Variants in VPS13D observed in about 807,000 individuals in gnomAD.
VPS13D encodes vacuolar protein sorting 13 homolog D, also known as intermembrane lipid transfer protein VPS13D.
A neutral mutation model predicts 461.9 loss-of-function variants in VPS13D; 187 were observed. That is an observed-to-expected ratio of 0.40 (90% confidence interval 0.36 to 0.46). The LOEUF is 0.46. VPS13D is among the 20% of genes least tolerant of loss of function. The pLI is 0.60. For synonymous variants in VPS13D, 1,951 were observed against 1,986.3 expected (o/e 0.98, Z 0.47); for missense variants, 4,711 against 5,364.9 (o/e 0.88, Z 3.81).
At chr1:12,253,623 G>A in intron 6 of VPS13D, 99 bp from the exon 7 acceptor site, 1 of 954,946 alleles carries the variant, frequency 1.0e-6, no homozygotes, top group Non-Finnish European at 1.7e-6. Context: ...ACCTTGCAAA[G>A]TACCTGACAC....
chr1:12,336,072 A>T (rs1019310035), intron 39 of VPS13D: 1 of 438,420 alleles, frequency 2.3e-6, no homozygotes, highest in Non-Finnish European at 4.1e-6. Context: ...CGTAATTCCT[A>T]AATCCTGGTA....
intron 30 of VPS13D, among the ~76,000 whole-genome samples, chr1:12,317,038 G>A (rs890850214): frequency 2.0e-5 from 3 of 148,966 alleles, no homozygotes; most frequent in Admixed American, 1.3e-4. Flanking sequence ...TTACTTAGGG[G>A]ACATTTATCC....
At chr1:12,378,811 A>G (rs1430409783) in intron 56 of VPS13D, among the ~76,000 whole-genome samples, 3 of 152,252 alleles carry the variant, frequency 2.0e-5, no homozygotes, top group Admixed American at 6.5e-5. Context: ...AACTTCAAAC[A>G]ATAAAATGGG....
At chr1:12,423,430 C>T (rs1018346024) in intron 65 of VPS13D, among the ~76,000 whole-genome samples, 1 of 152,188 alleles carries the variant, frequency 6.6e-6, no homozygotes, top group Non-Finnish European at 1.5e-5. Context: ...ACAAAAAGCC[C>T]TACCTAGTCC....
intron 7 of VPS13D, 48 bp from the exon 8 acceptor site, chr1:12,256,285 C>A (rs1253803159): frequency 6.3e-7 from 1 of 1,584,384 alleles, no homozygotes; most frequent in South Asian, 1.1e-5. Flanking sequence ...GAGTGACTAC[C>A]AGAAGGAAAG....
chr1:12,471,843 G>T (rs1028923796), intron 67 of VPS13D, among the ~76,000 whole-genome samples: 1 of 151,670 alleles, frequency 6.6e-6, no homozygotes, highest in African/African-American at 2.4e-5. Flanking sequence ...ATGCACATTC[G>T]TAATTTATTC....
At position 12,400,962 on chromosome 1, in the gene VPS13D, G is replaced by GCACACACACACA. The variant is rs55998605; in HGVS notation, c.11785-615_11785-604dup. 1.1e-3 allele frequency among the ~76,000 whole-genome samples: 118 copies of GCACACACACACA among 106,288 alleles called. 1 individual carries two copies. Among genetic ancestry groups the GCACACACACACA allele is most frequent in the South Asian group, 5.2e-3 (14 of 2,718 alleles). 69.7% of individuals were successfully genotyped at this position (106,288 alleles called of 152,430 possible). On this transcript the variant is annotated intron_variant, in intron 61 of 69. Coordinates refer to ENST00000620676, the MANE Select transcript of VPS13D (RefSeq NM_015378.4). ...GAGTGAGATGTGCACCTGCGCGCGC[G>GCACACACACACA]CACACACACACACACACACACACAC...
intron 22 of VPS13D, among the ~76,000 whole-genome samples, chr1:12,289,386 A>G (rs1642061311): frequency 6.6e-6 from 1 of 151,836 alleles, no homozygotes; most frequent in Admixed American, 6.6e-5. Flanking sequence ...CCCAGCCTTT[A>G]GTAGAGATTT....
chr1:12,340,364 T>A (rs1324959901), intron 40 of VPS13D, among the ~76,000 whole-genome samples: 1 of 152,178 alleles, frequency 6.6e-6, no homozygotes, highest in Non-Finnish European at 1.5e-5. Flanking sequence ...TATCTTAGAC[T>A]CCCCTGAACC....
At chr1:12,488,880 A>G (rs1381779123) in intron 67 of VPS13D, among the ~76,000 whole-genome samples, 3 of 152,212 alleles carry the variant, frequency 2.0e-5, no homozygotes, top group Non-Finnish European at 2.9e-5. Context: ...AATAAGCACT[A>G]CACTCTCTGA....
chr1:12,352,550 A>G (rs1175363570), intron 46 of VPS13D, among the ~76,000 whole-genome samples: 1 of 152,224 alleles, frequency 6.6e-6, no homozygotes, highest in Non-Finnish European at 1.5e-5. Context: ...GGCTGAAATA[A>G]AAAAAGAATG....
chr1:12,245,984 A>T (rs1466114589), intron 5 of VPS13D, among the ~76,000 whole-genome samples: 1 of 152,208 alleles, frequency 6.6e-6, no homozygotes, highest in Non-Finnish European at 1.5e-5. Flanking sequence ...GGATTGTCAA[A>T]GATTAAACAA....
chr1:12,381,709 A>G (rs1644273631), intron 57 of VPS13D, among the ~76,000 whole-genome samples: 1 of 152,192 alleles, frequency 6.6e-6, no homozygotes, highest in African/African-American at 2.4e-5. Flanking sequence ...ACCTGTAACC[A>G]ATCCAGCTGT....
chr1:12,474,962 TTAAG>T lies in VPS13D; in HGVS notation c.12662+14568_12662+14571del, dbSNP rs1216743817. ...ATATACTAATGCAGATTTTTTTTTT[TTAAG>T]TTTTAGAGAGATTCATGGGATTTTA... is the stretch of plus-strand genomic sequence containing the variant. On this transcript the variant is annotated intron_variant, in intron 67 of 69. Transcript: ENST00000620676. 8.5e-5 allele frequency among the ~76,000 whole-genome samples: 13 copies of T among 152,296 alleles called. 1 individual carries two copies. Among genetic ancestry groups the T allele is most frequent in the African/African-American group, 3.1e-4 (13 of 41,558 alleles).
chr1:12,437,250 A>G (rs578047381), intron 65 of VPS13D, among the ~76,000 whole-genome samples: 50 of 152,254 alleles, frequency 3.3e-4, no homozygotes, highest in African/African-American at 1.1e-3. Context: ...CATTAACCTA[A>G]TATCTCCATC....
rs184165006 is a variant in VPS13D at position 12,424,476 on chromosome 1, G to A, written c.12333+7649G>A. 1.2e-4 allele frequency among the ~76,000 whole-genome samples: 19 copies of A among 152,234 alleles called. No homozygotes were observed. In the East Asian group the frequency reaches 3.5e-3, roughly 28 times the overall value. ...TAATAAAAGTGTATTTGTGGGGGCCGGGGTAGAGTGGTGTCATGAGAACTG... is the reference window on the plus strand; with the variant it reads ...TAATAAAAGTGTATTTGTGGGGGCCAGGGTAGAGTGGTGTCATGAGAACTG... On this transcript the variant is annotated intron_variant, in intron 65 of 69. Coordinates refer to ENST00000620676, the MANE Select transcript of VPS13D (RefSeq NM_015378.4).
rs1641076330 is a variant in VPS13D, at chr1:12,260,604, T to C, written c.1111-89T>C. The C allele has an allele frequency of 2.7e-6, 3 of 1,101,550 alleles. No homozygotes were observed. The African/African-American group carries it at 4.7e-5, about 17-fold the overall frequency. The allele number at this position is 1,101,550 out of a possible 1,614,324, so 68.2% of individuals were successfully genotyped here. On this transcript the variant is annotated intron_variant, in intron 10 of 69. Coordinates refer to ENST00000620676, the MANE Select transcript of VPS13D (RefSeq NM_015378.4). ...GGGGACCAGAGAGGTTTCTGTGCTTTACTTTTAGTGGCTTGTGAGGGTGTC... is the reference window on the plus strand; with the variant it reads ...GGGGACCAGAGAGGTTTCTGTGCTTCACTTTTAGTGGCTTGTGAGGGTGTC...
At chr1:12,288,395 C>A in intron 22 of VPS13D, 82 bp downstream of exon 22, 1 of 1,263,184 alleles carries the variant, frequency 7.9e-7, no homozygotes, top group Non-Finnish European at 1.2e-6. Context: ...TGATTGTCCT[C>A]ACGTGCTGAG....
In VPS13D at chr1:12,283,337, G is replaced by A. The variant is rs149340719; in HGVS notation, c.5235G>A (p.Ala1745=). Residue 1745 remains alanine (A), a synonymous_variant, in exon 21 of 70, where the codon GCG becomes GCA. Transcript: ENST00000620676. The part of the protein sequence containing the change: ...VFQLYQRPTS[A]SRKKQKEVQD... The stretch of plus-strand genomic sequence containing the variant: ...AGTTGTATCAAAGGCCCACCTCTGC[G>A]TCCCGGAAAAAGCAAAAGGAAGTCC... 3.7e-4 allele frequency: 600 copies of A among 1,613,992 alleles called. 3 individuals are homozygous for A. Among genetic ancestry groups the A allele is most frequent in the Middle Eastern group, 1.6e-4 (1 of 6,062 alleles).
Sources: allele counts gnomAD v4.1 joint callset (sites outside exome capture counted in the v4.1 genomes callset), GRCh38; gene constraint gnomAD v4.1.1; transcripts MANE v1.5; gene names NCBI Gene and HGNC (gene_info 2026-07-23, HGNC 2026-07-21).